EZR: variants seen among roughly 807,000 people sequenced by gnomAD.
The protein encoded by EZR is cytovillin 2.
EZR carries 40 observed loss-of-function variants against 74.8 expected under a neutral mutation model. The observed-to-expected ratio is 0.53, with a 90% CI of 0.42 to 0.70. EZR has a LOEUF of 0.70. Among genes scored for constraint, EZR ranks in the 30% least tolerant of loss-of-function variants. EZR has a pLI of 0.00. For synonymous variants in EZR, 341 were observed against 283.3 expected, an observed-to-expected ratio of 1.20 and a Z score of -2.05; for missense variants, 678 against 755.8, an observed-to-expected ratio of 0.90 and a Z score of 1.21.
At chr6:158,786,156 G>A (rs964342107) in intron 4 of EZR, among the ~76,000 whole-genome samples, 12 of 152,214 alleles carry the variant, frequency 7.9e-5, no homozygotes, top group Non-Finnish European at 1.0e-4. Flanking sequence ...GGCGGACCAC[G>A]AGGTCAGGAG....
In EZR at chr6:158,767,008, T is replaced by C; in HGVS notation, c.1667A>G (p.Glu556Gly). 1 of 1,614,214 alleles carries C rather than the reference T, an allele frequency of 6.2e-7. No individual in the cohort carries two copies. Among genetic ancestry groups the C allele is most frequent in the Non-Finnish European group, 8.5e-7 (1 of 1,180,036 alleles). The change falls in exon 14 of 14, where the codon GAG becomes GGG. Residue 556 changes from glutamate to glycine, a missense_variant. Around this residue, in one of 3 missense-constraint regions of EZR, gnomAD observed 342 missense variants for 341.2 expected, o/e 1.00. Coordinates refer to ENST00000367075, the MANE Select transcript of EZR (RefSeq NM_001111077.2). ...KRTHNDIIHN[E>G]NMRQGRDKYK... Reference sequence around the variant, plus strand: ...CTTGTCCCGGCCTTGCCTCATGTTCTCGTTGTGGATGATGTCATTGTGGGT... The same window carrying C: ...CTTGTCCCGGCCTTGCCTCATGTTCCCGTTGTGGATGATGTCATTGTGGGT...
At chr6:158,811,056 A>G (rs1430832433) in intron 2 of EZR, among the ~76,000 whole-genome samples, 1 of 152,212 alleles carries the variant, frequency 6.6e-6, no homozygotes, top group Non-Finnish European at 1.5e-5. Context: ...CATTTCAGTC[A>G]AAAGTCTCTA....
At chr6:158,789,934 C>G (rs1011287731) in intron 2 of EZR, among the ~76,000 whole-genome samples, 3 of 152,140 alleles carry the variant, frequency 2.0e-5, no homozygotes, top group Non-Finnish European at 2.9e-5. Flanking sequence ...CAGTTTTTTT[C>G]TTTTTTGTTA....
chr6:158,770,051 A>G (rs1791052643), intron 10 of EZR, 107 bp from the exon 11 acceptor site: 7 of 1,429,230 alleles, frequency 4.9e-6, no homozygotes, highest in Non-Finnish European at 6.6e-6. Flanking sequence ...ACCAAGTCAC[A>G]GGTTGAGGGG....
chr6:158,768,986 T>TG (rs1791009230), intron 12 of EZR, among the ~76,000 whole-genome samples: 1 of 152,088 alleles, frequency 6.6e-6, no homozygotes, highest in South Asian at 2.1e-4. Context: ...TATAATTAGA[T>TG]TTAAAACCAG....
chr6:158,803,652 T>TACATATATATATATATAC, intron 2 of EZR, among the ~76,000 whole-genome samples: 1 of 59,640 alleles, frequency 1.7e-5, no homozygotes, highest in East Asian at 3.5e-4. Flanking sequence ...TATATATATA[T>TACATATATATATATATAC]ACATATATAT....
At chr6:158,784,827 C>CA (rs1791527322) in intron 5 of EZR, 100 bp from the exon 6 acceptor site, 1 of 903,034 alleles carries the variant, frequency 1.1e-6, no homozygotes, top group East Asian at 2.5e-5. Context: ...ACTTTCCATT[C>CA]AAATCAATCA....
chr6:158,813,728 C>G (rs1328313808), intron 2 of EZR, among the ~76,000 whole-genome samples: 1 of 152,218 alleles, frequency 6.6e-6, no homozygotes, highest in African/African-American at 2.4e-5. Flanking sequence ...GAAATGTGAA[C>G]ACACTTTCAG....
intron 2 of EZR, among the ~76,000 whole-genome samples, chr6:158,797,499 T>C (rs546254582): frequency 4.6e-5 from 7 of 152,050 alleles, no homozygotes; most frequent in Non-Finnish European, 7.3e-5. Flanking sequence ...CAAGATTACA[T>C]TGCGAGCTTG....
intron 2 of EZR, among the ~76,000 whole-genome samples, chr6:158,805,428 T>C (rs540756974): frequency 1.3e-5 from 2 of 152,210 alleles, no homozygotes; most frequent in East Asian, 3.9e-4. Context: ...ACTTAAGTCT[T>C]GTGCCATTGC....
chr6:158,803,636 CATATATAT>C (rs778538326), intron 2 of EZR, among the ~76,000 whole-genome samples: 4 of 36,374 alleles, frequency 1.1e-4, no homozygotes, highest in Non-Finnish European at 1.8e-4. Flanking sequence ...CATATACATA[CATATATAT>C]ATATATATAC....
chr6:158,818,860 C>A, intron 1 of EZR, among the ~76,000 whole-genome samples: 1 of 148,290 alleles, frequency 6.7e-6, no homozygotes, highest in African/African-American at 2.5e-5. Flanking sequence ...CGGGGGGGCA[C>A]TCGCTGGGGA....
intron 1 of EZR, 167 bp from the exon 2 acceptor site, chr6:158,818,333 C>T: frequency 4.0e-6 from 1 of 249,892 alleles, no homozygotes. Context: ...GGGGCACGGG[C>T]GGGGCGGGGC....
At position 158,787,157 on chromosome 6, in the gene EZR, T is replaced by C; in HGVS notation, c.143A>G (p.His48Arg). ...GLREVWYFGL[H>R]YVDNKGFPTW... ...AGGAAATCCTTTATTATCCACATAG[T>C]GGAGGCCAAAGTACCACACTTCCCG... Residue 48 changes from histidine (H) to arginine (R), a missense_variant, in exon 4 of 14, where the codon CAC becomes CGC. Coordinates refer to ENST00000367075, the MANE Select transcript of EZR (RefSeq NM_001111077.2). 6.2e-7 allele frequency: 1 copy of C among 1,613,620 alleles called. No homozygotes were observed. The highest frequency in any genetic ancestry group is 8.5e-7 in the Non-Finnish European group (1 of 1,179,532).
chr6:158,801,143 G>C (rs1777178451), intron 2 of EZR, among the ~76,000 whole-genome samples: 1 of 152,022 alleles, frequency 6.6e-6, no homozygotes, highest in Admixed American at 6.6e-5. Context: ...TTTGAGACAG[G>C]GTCTCGCTCT....
intron 2 of EZR, among the ~76,000 whole-genome samples, chr6:158,791,900 G>C (rs937318968): frequency 6.6e-6 from 1 of 151,726 alleles, no homozygotes; most frequent in Non-Finnish European, 1.5e-5. Flanking sequence ...AGTAGAGACA[G>C]GGTTTCACCG....
chr6:158,818,170 G>T lies in EZR; in HGVS notation c.-73-4C>A, dbSNP rs1177341628. On this transcript the variant is annotated splice_region_variant and splice_polypyrimidine_tract_variant and intron_variant, in intron 1 of 13. Transcript: ENST00000367075. ...GCAGCGAAGACGCTGTCCCAACCTG[G>T]AGTCAGAGCAGAACCCTTAGAGCGC... The T allele has an allele frequency of 1.9e-6, 3 of 1,562,934 alleles. No individual in the cohort carries two copies. The highest frequency in any genetic ancestry group is 1.7e-4 in the Middle Eastern group (1 of 5,938).
chr6:158,766,893 C>T lies in EZR; in HGVS notation c.*21G>A. On this transcript the variant is annotated 3_prime_UTR_variant, in exon 14 of 14. Transcript: ENST00000367075. The stretch of plus-strand genomic sequence containing the variant: ...AGCGCCCGCTATGAGCACCCCTCTG[C>T]CCTTGGTCCTGGCCTGGCTGTTACA... 1 of 1,611,596 alleles carries T rather than the reference C, an allele frequency of 6.2e-7. No homozygotes were observed. Among genetic ancestry groups the T allele is most frequent in the Non-Finnish European group, 8.5e-7 (1 of 1,178,280 alleles).
At chr6:158,795,538 C>A (rs964993661) in intron 2 of EZR, among the ~76,000 whole-genome samples, 13 of 152,230 alleles carry the variant, frequency 8.5e-5, no homozygotes, top group Admixed American at 2.6e-4. Context: ...GACTACAGGA[C>A]CAACCCCTGC....
Sources: gnomAD v4.1 joint callset for allele counts (sites outside exome capture counted in the v4.1 genomes callset) on GRCh38, gnomAD v4.1.1 for gene constraint, gnomAD v4.1.1 regional missense constraint, MANE v1.5 for transcripts, NCBI Gene and HGNC (gene_info 2026-07-23, HGNC 2026-07-21) for gene names.